TTI1: variants seen among roughly 807,000 people sequenced by gnomAD.
TTI1 encodes the protein TELO2 interacting protein 1.
Under a neutral mutation model 85.4 loss-of-function variants are expected in TTI1, and 52 were observed. The observed-to-expected ratio is 0.61, with a 90% CI of 0.49 to 0.77. The LOEUF is 0.77. TTI1 is among the 30% of genes least tolerant of loss of function. The pLI is 0.00. For missense variants in TTI1, 1,173 were observed against 1,296.0 expected (o/e 0.91, Z 1.46); for synonymous variants, 512 against 503.9 (o/e 1.02, Z -0.22).
At chr20:37,995,756 A>G (rs931335554) in intron 7 of TTI1, among the ~76,000 whole-genome samples, 2 of 152,260 alleles carry the variant, frequency 1.3e-5, no homozygotes, top group African/African-American at 4.8e-5. Flanking sequence ...TTCTCAAATA[A>G]GCATGGTCAA....
chr20:37,984,241 C>A (rs575494484), intron 7 of TTI1, among the ~76,000 whole-genome samples: 1 of 152,212 alleles, frequency 6.6e-6, no homozygotes. Context: ...CAGAATATGC[C>A]GCCTTTGGCA....
intron 4 of TTI1, among the ~76,000 whole-genome samples, chr20:38,001,800 C>T (rs2073429315): frequency 6.6e-6 from 1 of 152,118 alleles, no homozygotes; most frequent in Admixed American, 6.5e-5. Context: ...CTCACCACAA[C>T]CTCTGCCTCC....
chr20:37,999,117 A>C (rs1340836496), intron 5 of TTI1, 71 bp downstream of exon 5: 7 of 1,311,894 alleles, frequency 5.3e-6, no homozygotes, highest in Non-Finnish European at 6.9e-6. Context: ...ACCAATCCAA[A>C]AGGCCCCGGT....
At chr20:38,002,603 T>C in intron 4 of TTI1, 25 bp downstream of exon 4, 1 of 1,611,542 alleles carries the variant, frequency 6.2e-7, no homozygotes, top group South Asian at 1.1e-5. Flanking sequence ...ACTCTGGGAA[T>C]GCAGAGAAGC....
At chr20:38,024,124 C>T (rs1342877275) in intron 1 of TTI1, among the ~76,000 whole-genome samples, 1 of 152,140 alleles carries the variant, frequency 6.6e-6, no homozygotes, top group African/African-American at 2.4e-5. Context: ...GGATTCTTAA[C>T]TTAGAAGAGG....
At chr20:38,033,028 ATG>A (rs940537857) in intron 1 of TTI1, among the ~76,000 whole-genome samples, 1 of 152,088 alleles carries the variant, frequency 6.6e-6, no homozygotes, top group African/African-American at 2.4e-5. Flanking sequence ...GAGAGCCCAA[ATG>A]TGTGTTTCAT....
chr20:38,002,460 T>G (rs1471521702), intron 4 of TTI1, among the ~76,000 whole-genome samples, 168 bp downstream of exon 4: 1 of 152,192 alleles, frequency 6.6e-6, no homozygotes, highest in African/African-American at 2.4e-5. Flanking sequence ...CACAGAAAGA[T>G]GTAAAACTGT....
chr20:38,024,929 G>A (rs186984053), intron 1 of TTI1, among the ~76,000 whole-genome samples: 1 of 152,204 alleles, frequency 6.6e-6, no homozygotes, highest in Admixed American at 6.5e-5. Context: ...TGGTAATGAT[G>A]CCACCTCCAC....
intron 1 of TTI1, among the ~76,000 whole-genome samples, chr20:38,017,404 T>TTGTGTG (rs66542554): frequency 0.041 from 6,008 of 146,150 alleles, 206 homozygotes; most frequent in African/African-American, 0.096. Flanking sequence ...AATCAATAGC[T>TTGTGTG]TGTGTGTGTG....
intron 1 of TTI1, among the ~76,000 whole-genome samples, chr20:38,023,456 G>A (rs1236334199): frequency 6.6e-6 from 1 of 152,166 alleles, no homozygotes; most frequent in South Asian, 2.1e-4. Flanking sequence ...ACTGAGGTGT[G>A]GGAACCTTGC....
chr20:38,026,756 T>C (rs998822597), intron 1 of TTI1, among the ~76,000 whole-genome samples: 1 of 152,184 alleles, frequency 6.6e-6, no homozygotes, highest in Non-Finnish European at 1.5e-5. Context: ...CATACAAAAA[T>C]ATGTGTAAAT....
At chr20:38,020,791 A>G (rs1297769642) in intron 1 of TTI1, among the ~76,000 whole-genome samples, 4 of 152,170 alleles carry the variant, frequency 2.6e-5, no homozygotes, top group Admixed American at 6.5e-5. Context: ...TAAAACCACA[A>G]TGAAATATCA....
In TTI1 at chr20:38,012,661, GAAGAGATGTGGC is replaced by G; in HGVS notation, c.1144_1155del (p.Ala382_Leu385del). 6.2e-7 allele frequency: 1 copy of G among 1,614,224 alleles called. No individual in the cohort carries two copies. The highest frequency in any genetic ancestry group is 1.1e-5 in the South Asian group (1 of 91,076). On this transcript the variant is annotated inframe_deletion, in exon 2 of 8. Coordinates refer to ENST00000373447, the MANE Select transcript of TTI1 (RefSeq NM_001303457.2). ...TCATCTTGGGAGTTCATTAGGCGAG[GAAGAGATGTGGC>G]AAGGGAATGCAGGCTTTCTGACAAG... is the stretch of plus-strand genomic sequence containing the variant.
intron 5 of TTI1, among the ~76,000 whole-genome samples, chr20:37,997,646 A>G (rs891753015): frequency 5.3e-5 from 8 of 152,198 alleles, no homozygotes; most frequent in African/African-American, 1.9e-4. Context: ...AATTTCTTTA[A>G]AAATTGGTAA....
intron 2 of TTI1, among the ~76,000 whole-genome samples, chr20:38,009,528 GAC>G (rs1358182617): frequency 2.7e-5 from 4 of 150,442 alleles, no homozygotes; most frequent in African/African-American, 9.8e-5. Context: ...TTTTTTTTGA[GAC>G]AGTCTTCCTC....
chr20:38,015,779 T>C (rs1338403819), intron 1 of TTI1, among the ~76,000 whole-genome samples: 1 of 152,296 alleles, frequency 6.6e-6, no homozygotes, highest in African/African-American at 2.4e-5. Flanking sequence ...AAAACCCAAT[T>C]AGTGGCCTAG....
chr20:37,995,276 A>C (rs2073322830), intron 7 of TTI1, among the ~76,000 whole-genome samples: 1 of 152,212 alleles, frequency 6.6e-6, no homozygotes, highest in African/African-American at 2.4e-5. Flanking sequence ...AGAGCAAAAA[A>C]CAGCAAAGGA....
chr20:38,020,333 T>A (rs1341768314), intron 1 of TTI1, among the ~76,000 whole-genome samples: 1,156 of 98,834 alleles, frequency 0.012, 87 homozygotes, highest in African/African-American at 0.043. Context: ...AATATATATA[T>A]ATATATATAT....
chr20:38,028,674 T>C (rs1256620261), intron 1 of TTI1, among the ~76,000 whole-genome samples: 1 of 152,098 alleles, frequency 6.6e-6, no homozygotes, highest in Non-Finnish European at 1.5e-5. Context: ...TATAGAACAC[T>C]CCATCCTACA....
Sources: gnomAD v4.1 joint callset for allele counts (sites outside exome capture counted in the v4.1 genomes callset) on GRCh38, gnomAD v4.1.1 for gene constraint, MANE v1.5 for transcripts, NCBI Gene and HGNC (gene_info 2026-07-23, HGNC 2026-07-21) for gene names.